B4GALNT1: variants seen among roughly 807,000 people sequenced by gnomAD.
The protein encoded by B4GALNT1 is beta-1,4-N-acetyl-galactosaminyltransferase 1.
Under a neutral mutation model 55.2 loss-of-function variants are expected in B4GALNT1, and 43 were observed. The ratio of observed to expected loss-of-function variants is 0.78; its 90% CI spans 0.61 to 1.00. The LOEUF (loss-of-function observed/expected upper bound fraction) is 1.00. Ranked by LOEUF, B4GALNT1 falls within the 50% of genes least tolerant of loss-of-function variation. The pLI is 0.00. For missense variants in B4GALNT1, 664 were observed against 729.7 expected (o/e 0.91, Z 1.04); for synonymous variants, 305 against 311.6 (o/e 0.98, Z 0.22).
chr12:57,626,783 G>A lies in B4GALNT1; in HGVS notation c.1563C>T (p.Leu521=). The change falls in exon 11 of 11, where the codon CTC becomes CTT. Residue 521 remains leucine (L), a synonymous_variant. Coordinates refer to ENST00000341156, the MANE Select transcript of B4GALNT1 (RefSeq NM_001478.5). ...DESQMAKHRL[L]FFKHRLQCMT... ...TGCACTGCAGCCGGTGTTTGAAGAA[G>A]AGCAGCCGGTGTTTGGCCATCTGGC... is the stretch of plus-strand genomic sequence containing the variant. The A allele has an allele frequency of 1.2e-6, 2 of 1,614,226 alleles. No individual in the cohort carries two copies. Among genetic ancestry groups the A allele is most frequent in the Non-Finnish European group, 1.7e-6 (2 of 1,180,036 alleles).
In B4GALNT1 at chr12:57,624,607, G is replaced by T. The variant is rs780087560; in HGVS notation, c.*2137C>A. On this transcript the variant is annotated 3_prime_UTR_variant, in exon 11 of 11. Coordinates refer to ENST00000341156, the MANE Select transcript of B4GALNT1 (RefSeq NM_001478.5). ...TGACTGTGGTCTGCCGCACCCGGAG[G>T]TGGGCATAGAGATGAGTGGAGTTGA... 3.6e-5 allele frequency: 25 copies of T among 699,958 alleles called. No homozygotes were observed. In the Admixed American group the frequency reaches 4.5e-4, roughly 13 times the overall value. 43.4% of individuals were successfully genotyped at this position (699,958 alleles called of 1,614,324 possible). A position where few individuals can be genotyped will look rare whatever the true frequency, so the allele number is the denominator to read the frequency against.
In B4GALNT1 at chr12:57,623,704, G is replaced by A; in HGVS notation, c.*3040C>T. 1 of 706,910 alleles carries A rather than the reference G, an allele frequency of 1.4e-6. No homozygotes were observed. Among genetic ancestry groups the A allele is most frequent in the Non-Finnish European group, 2.4e-6 (1 of 420,490 alleles). The allele number at this position is 706,910 out of a possible 1,614,324, so 43.8% of individuals were successfully genotyped here. On this transcript the variant is annotated 3_prime_UTR_variant, in exon 11 of 11. Transcript: ENST00000341156. The stretch of plus-strand genomic sequence containing the variant: ...GTGAATGGCAGAATATTAAGAAGGG[G>A]GTTGTGTGGAAGGAGATTTGGGAGA...
Position 57,625,410 on chromosome 12 carries a change from C to G in B4GALNT1, c.*1334G>C. The G allele has an allele frequency of 3.1e-6, 5 of 1,614,198 alleles. No individual in the cohort carries two copies. The highest frequency in any genetic ancestry group is 4.2e-6 in the Non-Finnish European group (5 of 1,180,026). Reference sequence around the variant, plus strand: ...TAACCCCTTTGCCCCATCCCTGCAGCTGGCCAGCCGATGTCGAGATGCTAG... The same window carrying G: ...TAACCCCTTTGCCCCATCCCTGCAGGTGGCCAGCCGATGTCGAGATGCTAG... On this transcript the variant is annotated 3_prime_UTR_variant, in exon 11 of 11. Coordinates refer to ENST00000341156, the MANE Select transcript of B4GALNT1 (RefSeq NM_001478.5).
In B4GALNT1 at chr12:57,624,123, T is replaced by G. The variant is rs1401917799; in HGVS notation, c.*2621A>C. 1 of 1,609,188 alleles carries G rather than the reference T, an allele frequency of 6.2e-7. No individual in the cohort carries two copies. The highest frequency in any genetic ancestry group is 8.5e-7 in the Non-Finnish European group (1 of 1,176,368). ...TGTGAGAAATGCCATTACCCCCAGA[T>G]TGCCCCCTCTCATCTTGTTAGCATC... is the stretch of plus-strand genomic sequence containing the variant. On this transcript the variant is annotated 3_prime_UTR_variant, in exon 11 of 11. Transcript: ENST00000341156.
At chr12:57,629,362 A>G (rs918868998) in intron 6 of B4GALNT1, 5 of 460,964 alleles carry the variant, frequency 1.1e-5, no homozygotes, top group African/African-American at 3.9e-5. Context: ...TTGAGCACTT[A>G]CTATGTGCCA....
chr12:57,623,451 A>T lies in B4GALNT1; in HGVS notation c.*3293T>A. ...ATTCTTATTTTTTTCACACAATGAC[A>T]TTGTCTTTTAAAAGGAATATCACAT... On this transcript the variant is annotated 3_prime_UTR_variant, in exon 11 of 11. Coordinates refer to ENST00000341156, the MANE Select transcript of B4GALNT1 (RefSeq NM_001478.5). 2.2e-6 allele frequency: 1 copy of T among 450,660 alleles called. No homozygotes were observed. The highest frequency in any genetic ancestry group is 3.9e-6 in the Non-Finnish European group (1 of 254,682). The allele number at this position is 450,660 out of a possible 1,614,324, so 27.9% of individuals were successfully genotyped here.
chr12:57,627,553 C>T, intron 10 of B4GALNT1, 65 bp downstream of exon 10: 3 of 1,519,438 alleles, frequency 2.0e-6, no homozygotes, highest in Non-Finnish European at 2.6e-6. Flanking sequence ...AGGAGAGGCG[C>T]GTGACCGTGC....
In B4GALNT1 at chr12:57,626,577, A is replaced by G. The variant is rs35831868; in HGVS notation, c.*167T>C. ...GGGCACTGGAAAAAGGAGGGGTGTC[A>G]CCAGGACAACCCCTACTGGGCATCA... On this transcript the variant is annotated 3_prime_UTR_variant, in exon 11 of 11. Transcript: ENST00000341156. 149,503 of 768,280 alleles carry G rather than the reference A, an allele frequency of 0.19. 15,427 individuals carry two copies. The highest frequency in any genetic ancestry group is 0.27 in the Admixed American group (10,878 of 39,972). The allele number at this position is 768,280 out of a possible 1,614,324, so 47.6% of individuals were successfully genotyped here. A position where few individuals can be genotyped will look rare whatever the true frequency, so the allele number is the denominator to read the frequency against.
rs1161185815 is a variant in B4GALNT1, at chr12:57,627,644, G to C, written c.1358C>G (p.Pro453Arg). The C allele has an allele frequency of 6.3e-7, 1 of 1,598,398 alleles. No individual in the cohort carries two copies. The highest frequency in any genetic ancestry group is 1.7e-5 in the Admixed American group (1 of 59,506). ...TDKVREVGFD[P>R]RLSRVAHLEF... ...CAGATGAGCCACGCGGCTGAGGCGGGGGTCGAAACCGACCTCGCGCACCTT... is the reference window on the plus strand; with the variant it reads ...CAGATGAGCCACGCGGCTGAGGCGGCGGTCGAAACCGACCTCGCGCACCTT... Residue 453 changes from proline (P) to arginine (R), a missense_variant, in exon 10 of 11, where the codon CCC becomes CGC. Physicochemically the swap from Pro to Arg is moderately radical, Grantham distance 103. Coordinates refer to ENST00000341156, the MANE Select transcript of B4GALNT1 (RefSeq NM_001478.5).
chr12:57,627,005 A>G (rs779125181), intron 10 of B4GALNT1, 44 bp from the exon 11 acceptor site: 7 of 1,539,308 alleles, frequency 4.5e-6, no homozygotes, highest in Non-Finnish European at 6.2e-6. Context: ...CTGAGGGTGC[A>G]GAAGGCCGAC....
At position 57,625,583 on chromosome 12, in the gene B4GALNT1, C is replaced by A; in HGVS notation, c.*1161G>T. 6.3e-7 allele frequency: 1 copy of A among 1,598,930 alleles called. No homozygotes were observed. ...GAGTCTGACACCCTCCCCACATAGC[C>A]TTGGTGCAGGGGACACTGACCCGGG... On this transcript the variant is annotated 3_prime_UTR_variant, in exon 11 of 11. Coordinates refer to ENST00000341156, the MANE Select transcript of B4GALNT1 (RefSeq NM_001478.5).
At chr12:57,629,637 G>A (rs1221500727) in intron 6 of B4GALNT1, 2 of 691,184 alleles carry the variant, frequency 2.9e-6, no homozygotes, top group Non-Finnish European at 4.5e-6. Flanking sequence ...CATTTGAACT[G>A]AGATCTAAAT....
Position 57,632,057 on chromosome 12 carries a change from T to A in B4GALNT1, c.76A>T (p.Ser26Cys). 1 of 1,440,216 alleles carries A rather than the reference T, an allele frequency of 6.9e-7. No individual in the cohort carries two copies. Among genetic ancestry groups the A allele is most frequent in the Non-Finnish European group, 9.1e-7 (1 of 1,094,908 alleles). 89.2% of individuals were successfully genotyped at this position (1,440,216 alleles called of 1,614,324 possible). A position where few individuals can be genotyped will look rare whatever the true frequency, so the allele number is the denominator to read the frequency against. The change falls in exon 2 of 11, where the codon AGC (serine) becomes TGC (cysteine). Residue 26 changes from serine to cysteine, a missense_variant. Transcript: ENST00000341156. ...CGGAGGCCGGGCGCGTCCCGGGTGC[T>A]CGCGTACAGGAGCCCCAGCGAGGCG... ...ACASLGLLYA[S>C]TRDAPGLRLP...
chr12:57,632,175 A>C, intron 1 of B4GALNT1, 42 bp from the exon 2 acceptor site: 5 of 1,461,080 alleles, frequency 3.4e-6, no homozygotes, highest in Non-Finnish European at 4.7e-6. Flanking sequence ...GGAGGGAAGA[A>C]GGGAGGGCAA....
Position 57,628,115 on chromosome 12 carries a change from G to C in B4GALNT1, c.1143+7C>G, listed in dbSNP as rs1884962242. On this transcript the variant is annotated splice_region_variant and intron_variant, in intron 9 of 10. Coordinates refer to ENST00000341156, the MANE Select transcript of B4GALNT1 (RefSeq NM_001478.5). ...TCCACCCCCACATCCTGCAGCCCCT[G>C]CCCTACCAGGTCCAGCGGCGTCCGC... 3 of 1,613,330 alleles carry C rather than the reference G, an allele frequency of 1.9e-6. No individual in the cohort carries two copies. The African/African-American group carries it at 4.0e-5, about 22-fold the overall frequency.
At position 57,624,308 on chromosome 12, in the gene B4GALNT1, G is replaced by T; in HGVS notation, c.*2436C>A. On this transcript the variant is annotated 3_prime_UTR_variant, in exon 11 of 11. Transcript: ENST00000341156. ...CCTGAATATTTGTAACTTCCCAACT[G>T]GTGCGGGTCATTACATTTGGTGTGT... 1.6e-6 allele frequency: 1 copy of T among 625,654 alleles called. No homozygotes were observed. Among genetic ancestry groups the T allele is most frequent in the Non-Finnish European group, 2.9e-6 (1 of 344,486 alleles). The allele number at this position is 625,654 out of a possible 1,614,324, so 38.8% of individuals were successfully genotyped here.
rs1175256509 is a variant in B4GALNT1, at chr12:57,630,504, C to T, written c.505G>A (p.Ala169Thr). The change falls in exon 5 of 11, where the codon GCA becomes ACA. Residue 169 changes from alanine to threonine, a missense_variant. Transcript: ENST00000341156. ...TGGTATACCTCCTGACCAGAAGCTG[C>T]CTGAAGGCTCAGCCCTAGGAGAAAG... ...SILVPGLSLQ[A>T]ASGQEVYQVN... 2 of 1,608,876 alleles carry T rather than the reference C, an allele frequency of 1.2e-6. No individual in the cohort carries two copies. Among genetic ancestry groups the T allele is most frequent in the East Asian group, 2.2e-5 (1 of 44,856 alleles).
At position 57,626,677 on chromosome 12, in the gene B4GALNT1, G is replaced by C. The variant is rs1884829214; in HGVS notation, c.*67C>G. Reference sequence around the variant, plus strand: ...GAGTGCTCACAGGGTGGTGGGGTTTGTTGGAAATTCCTGGCAGGGACAAGG... The same window carrying C: ...GAGTGCTCACAGGGTGGTGGGGTTTCTTGGAAATTCCTGGCAGGGACAAGG... On this transcript the variant is annotated 3_prime_UTR_variant, in exon 11 of 11. Transcript: ENST00000341156. 3 of 1,579,150 alleles carry C rather than the reference G, an allele frequency of 1.9e-6. No homozygotes were observed. The highest frequency in any genetic ancestry group is 2.6e-6 in the Non-Finnish European group (3 of 1,151,654).
rs1410687795 is a variant in B4GALNT1, at chr12:57,625,674, G to A, written c.*1070C>T. ...GAGTGTGCAGGATGCAGCTGCTTAT[G>A]CCCTGGGGAGCCTGTTAAGGGGCAG... is the stretch of plus-strand genomic sequence containing the variant. On this transcript the variant is annotated 3_prime_UTR_variant, in exon 11 of 11. Transcript: ENST00000341156. 1.9e-6 allele frequency: 3 copies of A among 1,579,692 alleles called. No homozygotes were observed. Among genetic ancestry groups the A allele is most frequent in the Non-Finnish European group, 2.6e-6 (3 of 1,163,612 alleles).
Sources: allele counts gnomAD v4.1 joint callset, GRCh38; gene constraint gnomAD v4.1.1; transcripts MANE v1.5; gene names NCBI Gene and HGNC (gene_info 2026-07-23, HGNC 2026-07-21).